Variants in EIF4E1B observed in about 807,000 individuals in gnomAD.
EIF4E1B encodes eukaryotic translation initiation factor 4E type 1B.
A neutral mutation model predicts 31.3 loss-of-function variants in EIF4E1B; 22 were observed. That is an observed-to-expected ratio of 0.70 (90% CI 0.50 to 1.00). The LOEUF (loss-of-function observed/expected upper bound fraction) is 1.00. Among genes scored for constraint, EIF4E1B ranks in the 50% least tolerant of loss-of-function variants. The probability of loss-of-function intolerance (pLI) is 0.00; values close to 1 mark genes in which losing one functional copy is unlikely to be tolerated. For synonymous variants in EIF4E1B, 126 were observed against 120.2 expected (o/e 1.05, Z -0.31); for missense variants, 290 against 311.6 (o/e 0.93, Z 0.52).
At chr5:176,644,214 TGA>T in intron 5 of EIF4E1B, 160 bp from the exon 6 acceptor site, 1 of 732,866 alleles carries the variant, frequency 1.4e-6, no homozygotes, top group Non-Finnish European at 2.2e-6. Context: ...AGGTGGGTCT[TGA>T]GAGTTTGGAT....
chr5:176,631,281 G>C (rs1280066900), intron 1 of EIF4E1B, among the ~76,000 whole-genome samples: 1 of 152,240 alleles, frequency 6.6e-6, no homozygotes, highest in Non-Finnish European at 1.5e-5. Context: ...CAGCTGGAGA[G>C]CCAGGATGGA....
At chr5:176,642,865 C>CCCGCCCCCCCG in intron 3 of EIF4E1B, 63 bp downstream of exon 3, 2 of 1,169,744 alleles carry the variant, frequency 1.7e-6, no homozygotes, top group Admixed American at 3.0e-5. Context: ...CCCCCCCCCC[C>CCCGCCCCCCCG]GCCCCAGGTG....
chr5:176,631,655 A>AG (rs113895718), intron 1 of EIF4E1B, among the ~76,000 whole-genome samples: 48 of 152,070 alleles, frequency 3.2e-4, no homozygotes, highest in African/African-American at 1.1e-3. Flanking sequence ...ACTGCAAAAA[A>AG]AAAAAAAAAG....
chr5:176,634,730 C>T (rs1364730201), intron 1 of EIF4E1B, among the ~76,000 whole-genome samples: 3 of 139,008 alleles, frequency 2.2e-5, no homozygotes, highest in East Asian at 4.6e-4. Context: ...AGTGCAGTGG[C>T]GTGATGTCGG....
intron 1 of EIF4E1B, among the ~76,000 whole-genome samples, chr5:176,640,765 AC>A (rs1760563421): frequency 6.6e-6 from 1 of 152,098 alleles, no homozygotes; most frequent in African/African-American, 2.4e-5. Flanking sequence ...GATCAGGCTT[AC>A]CCATTTCTTT....
intron 1 of EIF4E1B, among the ~76,000 whole-genome samples, chr5:176,631,581 T>C (rs372366097): frequency 6.0e-5 from 9 of 150,664 alleles, no homozygotes; most frequent in African/African-American, 2.2e-4. Context: ...GCAAAGGCAC[T>C]GTGGCCAGAA....
Position 176,645,307 on chromosome 5 carries a change from G to A in EIF4E1B, c.474+64G>A, listed in dbSNP as rs1760672589. 3.2e-6 allele frequency: 5 copies of A among 1,574,422 alleles called. No individual in the cohort carries two copies. The highest frequency in any genetic ancestry group is 4.3e-6 in the Non-Finnish European group (5 of 1,155,672). On this transcript the variant is annotated intron_variant, in intron 7 of 8. Coordinates refer to ENST00000318682, the MANE Select transcript of EIF4E1B (RefSeq NM_001099408.2). This position sits in a 1 kb window ranked among gnomAD's most constrained non-coding sequence, Gnocchi z 5.4. ...GCTGTGTGGGTCTCATGGTGGCAGTGGTCTCAAGGATGGCAGGCCAGTCCC... is the reference window on the plus strand; with the variant it reads ...GCTGTGTGGGTCTCATGGTGGCAGTAGTCTCAAGGATGGCAGGCCAGTCCC...
intron 3 of EIF4E1B, 137 bp from the exon 4 acceptor site, chr5:176,642,945 G>C: frequency 6.8e-7 from 1 of 1,476,312 alleles, no homozygotes; most frequent in Non-Finnish European, 9.0e-7. Context: ...CCTCCATGGA[G>C]TTTGAGCTGG....
At chr5:176,642,984 C>T in intron 3 of EIF4E1B, 98 bp from the exon 4 acceptor site, 1 of 1,514,118 alleles carries the variant, frequency 6.6e-7, no homozygotes, top group Non-Finnish European at 8.9e-7. Flanking sequence ...TTGTGAGTCC[C>T]CTGCCTTCCC....
rs945581368 is a variant in EIF4E1B at position 176,638,276 on chromosome 5, T to G, written c.-201-3767T>G. Reference sequence around the variant, plus strand: ...TAATGCCCATTACTGGATAAGGGCATGAAACAGCAAGTACTGACAGAACAG... The same window carrying G: ...TAATGCCCATTACTGGATAAGGGCAGGAAACAGCAAGTACTGACAGAACAG... On this transcript the variant is annotated intron_variant, in intron 1 of 8. Coordinates refer to ENST00000318682, the MANE Select transcript of EIF4E1B (RefSeq NM_001099408.2). This position sits in a 1 kb window ranked among gnomAD's most constrained non-coding sequence, Gnocchi z 4.3. 5.3e-5 allele frequency among the ~76,000 whole-genome samples: 8 copies of G among 152,178 alleles called. No individual in the cohort carries two copies. The highest frequency in any genetic ancestry group is 1.0e-4 in the Non-Finnish European group (7 of 68,038).
At chr5:176,644,964 G>A (rs181164266) in intron 6 of EIF4E1B, among the ~76,000 whole-genome samples, 166 bp from the exon 7 acceptor site, 100 of 152,292 alleles carry the variant, frequency 6.6e-4, no homozygotes, top group African/African-American at 2.4e-3. Flanking sequence ...CTGTCGGGGG[G>A]AGCTGAGTGG....
At chr5:176,635,839 C>T (rs913934020) in intron 1 of EIF4E1B, among the ~76,000 whole-genome samples, 8 of 151,350 alleles carry the variant, frequency 5.3e-5, no homozygotes, top group South Asian at 2.1e-4. Context: ...TTTTTTGAGA[C>T]GGAGTCTAGC....
At position 176,645,190 on chromosome 5, in the gene EIF4E1B, A is replaced by G; in HGVS notation, c.421A>G (p.Ser141Gly). 1 of 1,584,354 alleles carries G rather than the reference A, an allele frequency of 6.3e-7. No individual in the cohort carries two copies. The highest frequency in any genetic ancestry group is 8.6e-7 in the Non-Finnish European group (1 of 1,165,692). The stretch of plus-strand genomic sequence containing the variant: ...TAAACGGGGTGGCCGCTGGCTGGTC[A>G]GCCTGGCCAAGCAGCAGCGCCACAT... ...RNKRGGRWLV[S>G]LAKQQRHIEL... Residue 141 changes from serine (S) to glycine (G), a missense_variant, in exon 7 of 9, where the codon AGC becomes GGC. Physicochemically the swap from Ser to Gly is moderately conservative, Grantham distance 56. Coordinates refer to ENST00000318682, the MANE Select transcript of EIF4E1B (RefSeq NM_001099408.2). The surrounding 1 kb of genome is among the most constrained non-coding windows in gnomAD (Gnocchi z 5.4).
chr5:176,642,840 GC>G, intron 3 of EIF4E1B, 38 bp downstream of exon 3: 1 of 1,424,028 alleles, frequency 7.0e-7, no homozygotes, highest in Non-Finnish European at 9.2e-7. Flanking sequence ...GTGCACCATG[GC>G]CCCGCCCTCT....
rs1194178714 is a variant in EIF4E1B at position 176,646,293 on chromosome 5, C to A, written c.*313C>A. 2.4e-5 allele frequency: 7 copies of A among 286,152 alleles called. No homozygotes were observed. The highest frequency in any genetic ancestry group is 4.4e-5 in the Admixed American group (1 of 22,906). The allele number at this position is 286,152 out of a possible 1,614,324, so 17.7% of individuals were successfully genotyped here. Reference sequence around the variant, plus strand: ...GTAGGCGGAGAAACCCATAGTCCAGCGTTTACTGTTTCCACCCAGGAAGGA... The same window carrying A: ...GTAGGCGGAGAAACCCATAGTCCAGAGTTTACTGTTTCCACCCAGGAAGGA... On this transcript the variant is annotated 3_prime_UTR_variant, in exon 9 of 9. Coordinates refer to ENST00000318682, the MANE Select transcript of EIF4E1B (RefSeq NM_001099408.2).
At chr5:176,640,597 A>T (rs1172897514) in intron 1 of EIF4E1B, among the ~76,000 whole-genome samples, 1 of 152,104 alleles carries the variant, frequency 6.6e-6, no homozygotes, top group African/African-American at 2.4e-5. Context: ...GGACGACTAC[A>T]TTAGCATCCT....
intron 1 of EIF4E1B, among the ~76,000 whole-genome samples, chr5:176,636,736 C>T (rs114186246): frequency 0.01 from 1,578 of 152,372 alleles, 32 homozygotes; most frequent in African/African-American, 0.034. Context: ...CCATCCATTA[C>T]GTCACGACGT....
chr5:176,645,722 C>T lies in EIF4E1B; in HGVS notation c.615-144C>T. On this transcript the variant is annotated intron_variant, in intron 8 of 8. Coordinates refer to ENST00000318682, the MANE Select transcript of EIF4E1B (RefSeq NM_001099408.2). The surrounding 1 kb of genome is among the most constrained non-coding windows in gnomAD (Gnocchi z 5.4). ...AGCTCTCCTTTTGCATTAAGGGGGT[C>T]ATATTTTGGGTTTCCACATGGGTAA... The T allele has an allele frequency of 9.2e-7, 1 of 1,086,058 alleles. No individual in the cohort carries two copies. Among genetic ancestry groups the T allele is most frequent in the Non-Finnish European group, 1.3e-6 (1 of 774,046 alleles). 67.3% of individuals were successfully genotyped at this position (1,086,058 alleles called of 1,614,324 possible).
At chr5:176,643,585 G>A (rs1465162428) in intron 4 of EIF4E1B, 54 bp from the exon 5 acceptor site, 4 of 1,533,068 alleles carry the variant, frequency 2.6e-6, no homozygotes, top group Non-Finnish European at 3.5e-6. Flanking sequence ...AGGTGCCCCG[G>A]GGGTGGACTT....
Sources: gnomAD v4.1 joint callset for allele counts (sites outside exome capture counted in the v4.1 genomes callset) on GRCh38, gnomAD v4.1.1 for gene constraint, Gnocchi (gnomAD v3.1) non-coding constraint, MANE v1.5 for transcripts, NCBI Gene and HGNC (gene_info 2026-07-23, HGNC 2026-07-21) for gene names.